Variants in CFAP299 observed in about 807,000 individuals in gnomAD.
The protein encoded by CFAP299 is cilia- and flagella-associated protein 299.
In CFAP299, 21 loss-of-function variants were observed where a neutral mutation model predicts 27.0. The observed-to-expected ratio is 0.78, with a 90% CI of 0.55 to 1.12. The LOEUF is 1.12. Ranked by LOEUF, CFAP299 falls within the 50% of genes most tolerant of loss-of-function variation. The pLI, the probability that CFAP299 is intolerant of heterozygous loss-of-function variation, is 0.00. For missense variants in CFAP299, 310 were observed against 276.6 expected (o/e 1.12, Z -0.86); for synonymous variants, 104 against 98.1 (o/e 1.06, Z -0.36).
At position 80,603,933 on chromosome 4, in the gene CFAP299, G is replaced by T. The variant is rs190047018; in HGVS notation, c.333+20750G>T. ...CCCTTATTTGTTTTTCTGCATTCTC[G>T]CTCTTTAAAATAAATTAATACAACA... On this transcript the variant is annotated intron_variant, in intron 3 of 5. Coordinates refer to ENST00000358105, the MANE Select transcript of CFAP299 (RefSeq NM_152770.3). 1.7e-3 allele frequency among the ~76,000 whole-genome samples: 261 copies of T among 152,072 alleles called. 2 individuals are homozygous for T. The highest frequency in any genetic ancestry group is 0.012 in the Admixed American group (184 of 15,272).
chr4:80,512,221 A>AGTGTGTGT (rs3037370), intron 2 of CFAP299, among the ~76,000 whole-genome samples: 6,891 of 148,550 alleles, frequency 0.046, 479 homozygotes, highest in African/African-American at 0.15. Context: ...CATATTACAT[A>AGTGTGTGT]GTGTGTGTGT....
intron 3 of CFAP299, among the ~76,000 whole-genome samples, chr4:80,753,262 A>G (rs940240947): frequency 6.6e-6 from 1 of 151,736 alleles, no homozygotes; most frequent in Non-Finnish European, 1.5e-5. Context: ...GGGTGATTTT[A>G]TAATTCTAGA....
chr4:80,903,230 T>C (rs1264888189), intron 4 of CFAP299, among the ~76,000 whole-genome samples: 2 of 152,106 alleles, frequency 1.3e-5, no homozygotes, highest in African/African-American at 4.8e-5. Context: ...TGCCTGGAAA[T>C]GAGCTGTTGT....
intron 5 of CFAP299, among the ~76,000 whole-genome samples, chr4:80,962,061 G>T (rs961761565): frequency 4.6e-5 from 7 of 151,934 alleles, no homozygotes; most frequent in African/African-American, 1.4e-4. Context: ...TGCTACTGGG[G>T]ATTTACCTTT....
At chr4:80,571,832 C>A (rs541134070) in intron 2 of CFAP299, among the ~76,000 whole-genome samples, 6 of 152,224 alleles carry the variant, frequency 3.9e-5, no homozygotes, top group African/African-American at 1.2e-4. Context: ...CACAACCATG[C>A]TGGCACCCTG....
At chr4:80,621,535 T>A (rs1045255764) in intron 3 of CFAP299, among the ~76,000 whole-genome samples, 4 of 152,096 alleles carry the variant, frequency 2.6e-5, no homozygotes, top group Non-Finnish European at 5.9e-5. Flanking sequence ...TTACAGCTAG[T>A]TTGGAAGAGG....
intron 3 of CFAP299, among the ~76,000 whole-genome samples, chr4:80,829,580 T>C (rs1185675636): frequency 6.6e-6 from 1 of 152,056 alleles, no homozygotes; most frequent in Non-Finnish European, 1.5e-5. Flanking sequence ...TCTAAGTATG[T>C]AAGTAATATA....
rs181996517 is a variant in CFAP299, at chr4:80,860,910, C to T, written c.334-9083C>T. On this transcript the variant is annotated intron_variant, in intron 3 of 5. Transcript: ENST00000358105. ...CTGCCCATTCTCAGATCTTCAGCTG[C>T]GTGCTGGGAGAACCACTGCTCTCTT... Among the ~76,000 whole-genome samples the T allele has an allele frequency of 2.5e-3, 387 of 152,292 alleles. 1 individual carries two copies. Among genetic ancestry groups the T allele is most frequent in the African/African-American group, 8.7e-3 (362 of 41,580 alleles).
intron 2 of CFAP299, among the ~76,000 whole-genome samples, chr4:80,550,705 C>CTA (rs143069123): frequency 1.4e-4 from 21 of 149,518 alleles, no homozygotes; most frequent in East Asian, 5.9e-4. Flanking sequence ...CAGGGAGTAG[C>CTA]TATATATATA....
chr4:80,678,258 T>C (rs1029692096), intron 3 of CFAP299, among the ~76,000 whole-genome samples: 7 of 152,096 alleles, frequency 4.6e-5, no homozygotes, highest in African/African-American at 1.2e-4. Flanking sequence ...CTCTGTTCTT[T>C]TTCTTTTATG....
intron 4 of CFAP299, chr4:80,870,615 T>G (rs1367415297): frequency 1.0e-6 from 1 of 986,008 alleles, no homozygotes; most frequent in African/African-American, 1.7e-5. Flanking sequence ...AATGCTTGCC[T>G]TTTATTCTAG....
chr4:80,529,450 G>A lies in CFAP299; in HGVS notation c.243-53643G>A, dbSNP rs189840877. ...TCCAAAGAAAGTACTCAATGCTATT[G>A]TACGTATGTATTGGATTGTTTATTT... On this transcript the variant is annotated intron_variant, in intron 2 of 5. Coordinates refer to ENST00000358105, the MANE Select transcript of CFAP299 (RefSeq NM_152770.3). Among the ~76,000 whole-genome samples, 22 of 152,202 alleles carry A rather than the reference G, an allele frequency of 1.4e-4. No homozygotes were observed. In the East Asian group the frequency reaches 4.2e-3, roughly 29 times the overall value.
At chr4:80,881,525 G>A (rs1733705312) in intron 4 of CFAP299, among the ~76,000 whole-genome samples, 1 of 151,960 alleles carries the variant, frequency 6.6e-6, no homozygotes, top group African/African-American at 2.4e-5. Flanking sequence ...TTTCCAGTAA[G>A]TTTCCAGCCT....
intron 1 of CFAP299, among the ~76,000 whole-genome samples, chr4:80,348,523 A>T (rs530644681): frequency 6.6e-6 from 1 of 152,208 alleles, no homozygotes; most frequent in South Asian, 2.1e-4. Context: ...GCCAACAAAC[A>T]TATAAAAAAA....
At chr4:80,710,578 C>CTTT (rs5859734) in intron 3 of CFAP299, among the ~76,000 whole-genome samples, 3 of 138,866 alleles carry the variant, frequency 2.2e-5, no homozygotes, top group Non-Finnish European at 4.6e-5. Context: ...AGAAATAAGA[C>CTTT]TTTTTTTTTT....
At chr4:80,381,772 G>C (rs770284456) in intron 2 of CFAP299, among the ~76,000 whole-genome samples, 30 of 152,134 alleles carry the variant, frequency 2.0e-4, no homozygotes, top group Non-Finnish European at 4.3e-4. Flanking sequence ...GACTTGGTTT[G>C]TTGCAATGCC....
chr4:80,737,300 A>G (rs1336463006), intron 3 of CFAP299, among the ~76,000 whole-genome samples: 2 of 152,082 alleles, frequency 1.3e-5, no homozygotes. Context: ...GTACCCTAAA[A>G]CTTAAAGTAT....
At chr4:80,361,505 T>C (rs1476481789) in intron 1 of CFAP299, among the ~76,000 whole-genome samples, 1 of 152,180 alleles carries the variant, frequency 6.6e-6, no homozygotes, top group African/African-American at 2.4e-5. Context: ...TTAATTCCAC[T>C]AGGTGGAGAT....
At chr4:80,926,111 T>C (rs1422099286) in intron 4 of CFAP299, among the ~76,000 whole-genome samples, 3 of 152,028 alleles carry the variant, frequency 2.0e-5, no homozygotes, top group African/African-American at 7.2e-5. Context: ...GTGGAGATAG[T>C]AGTCCAGGCA....
Sources: gnomAD v4.1 joint callset for allele counts (sites outside exome capture counted in the v4.1 genomes callset) on GRCh38, gnomAD v4.1.1 for gene constraint, MANE v1.5 for transcripts, NCBI Gene and HGNC (gene_info 2026-07-23, HGNC 2026-07-21) for gene names.